ZMAT4: variants seen among roughly 807,000 people sequenced by gnomAD.
ZMAT4 encodes zinc finger matrin-type 4, also known as zinc finger matrin-type protein 4.
A neutral mutation model predicts 28.7 loss-of-function variants in ZMAT4; 17 were observed. The observed-to-expected ratio is 0.59, with a 90% CI of 0.41 to 0.89. The LOEUF (loss-of-function observed/expected upper bound fraction) is 0.89, where lower values mean the gene tolerates loss of function less well. ZMAT4 is among the 40% of genes least tolerant of loss of function. The probability of loss-of-function intolerance (pLI) is 0.00; values close to 1 mark genes in which losing one functional copy is unlikely to be tolerated. For missense variants in ZMAT4, 240 were observed against 283.8 expected, an observed-to-expected ratio of 0.85 and a Z score of 1.11; for synonymous variants, 117 against 109.2, an observed-to-expected ratio of 1.07 and a Z score of -0.44.
At chr8:40,722,981 G>T (rs537020950) in intron 3 of ZMAT4, among the ~76,000 whole-genome samples, 50 of 152,166 alleles carry the variant, frequency 3.3e-4, no homozygotes, top group African/African-American at 9.7e-4. Flanking sequence ...CTGGGACCAT[G>T]CCATTTCTTC....
In ZMAT4 at chr8:40,674,864, T is replaced by C; in HGVS notation, c.417A>G (p.Gln139=). 6.2e-7 allele frequency: 1 copy of C among 1,613,868 alleles called. No individual in the cohort carries two copies. The highest frequency in any genetic ancestry group is 8.5e-7 in the Non-Finnish European group (1 of 1,179,922). ...DTAPVVASPY[Q]RRDSDRYCGL... ...CACAGTATCTGTCTGAATCTCTTCTTTGATAGGGAGATGCGACCACCGGAG... is the reference window on the plus strand; with the variant it reads ...CACAGTATCTGTCTGAATCTCTTCTCTGATAGGGAGATGCGACCACCGGAG... The change falls in exon 5 of 7, where the codon CAA becomes CAG. Residue 139 remains glutamine (Q), a synonymous_variant. Transcript: ENST00000297737.
At chr8:40,845,522 A>T (rs759303729) in intron 1 of ZMAT4, among the ~76,000 whole-genome samples, 5 of 152,096 alleles carry the variant, frequency 3.3e-5, no homozygotes, top group Non-Finnish European at 4.4e-5. Flanking sequence ...GAAGTTGGTA[A>T]AATGGTCTAT....
At chr8:40,772,026 A>T (rs1189294859) in intron 2 of ZMAT4, among the ~76,000 whole-genome samples, 1 of 152,216 alleles carries the variant, frequency 6.6e-6, no homozygotes, top group East Asian at 1.9e-4. Context: ...TCAGGGGGAA[A>T]AAAAGAACCA....
intron 2 of ZMAT4, among the ~76,000 whole-genome samples, chr8:40,797,010 A>T (rs1448645824): frequency 1.3e-5 from 2 of 152,160 alleles, no homozygotes; most frequent in Admixed American, 6.5e-5. Context: ...GCCCCTGGTT[A>T]GCTTTCCAGA....
chr8:40,593,211 T>C (rs921020276), intron 5 of ZMAT4, among the ~76,000 whole-genome samples: 6 of 152,230 alleles, frequency 3.9e-5, no homozygotes, highest in Admixed American at 6.5e-5. Context: ...TTCATAAAAT[T>C]CATTTTTTCT....
chr8:40,741,471 G>A (rs1391918452), intron 3 of ZMAT4, among the ~76,000 whole-genome samples: 4 of 150,690 alleles, frequency 2.7e-5, no homozygotes, highest in Non-Finnish European at 5.9e-5. Context: ...AGACATAAAC[G>A]TAGGAAACGA....
chr8:40,689,559 A>G (rs1323418275), intron 4 of ZMAT4, among the ~76,000 whole-genome samples: 1 of 152,210 alleles, frequency 6.6e-6, no homozygotes, highest in East Asian at 1.9e-4. Flanking sequence ...ATGGGAATAT[A>G]GTTTGGGACA....
chr8:40,891,842 T>C (rs1181360917), intron 1 of ZMAT4, among the ~76,000 whole-genome samples: 2 of 152,194 alleles, frequency 1.3e-5, no homozygotes, highest in African/African-American at 4.8e-5. Context: ...AGCTCATCAC[T>C]AACTGGGGTG....
At chr8:40,543,385 G>A (rs1006351760) in intron 6 of ZMAT4, among the ~76,000 whole-genome samples, 1 of 152,234 alleles carries the variant, frequency 6.6e-6, no homozygotes, top group Non-Finnish European at 1.5e-5. Context: ...GCAGCGATGG[G>A]TGTAGCGTCT....
At chr8:40,643,532 T>A (rs1408403626) in intron 5 of ZMAT4, among the ~76,000 whole-genome samples, 1 of 152,132 alleles carries the variant, frequency 6.6e-6, no homozygotes, top group Non-Finnish European at 1.5e-5. Flanking sequence ...TAAATGTTAA[T>A]CATACAATGA....
intron 5 of ZMAT4, among the ~76,000 whole-genome samples, chr8:40,611,174 A>G (rs1805780720): frequency 1.3e-5 from 2 of 152,212 alleles, no homozygotes; most frequent in Admixed American, 1.3e-4. Context: ...TTTAGCATAA[A>G]AGCATAAGTA....
At chr8:40,576,813 TA>T (rs1368252028) in intron 6 of ZMAT4, among the ~76,000 whole-genome samples, 1 of 152,104 alleles carries the variant, frequency 6.6e-6, no homozygotes, top group African/African-American at 2.4e-5. Flanking sequence ...AGATAAACAA[TA>T]AATCCAAAAC....
chr8:40,565,109 A>C (rs1300284566), intron 6 of ZMAT4, among the ~76,000 whole-genome samples: 2 of 152,198 alleles, frequency 1.3e-5, no homozygotes, highest in Non-Finnish European at 2.9e-5. Context: ...GATGTCTCTA[A>C]TCATCATTCT....
chr8:40,831,697 G>A (rs1816285347), intron 1 of ZMAT4, among the ~76,000 whole-genome samples: 1 of 152,166 alleles, frequency 6.6e-6, no homozygotes, highest in African/African-American at 2.4e-5. Context: ...TAAGACTCAT[G>A]GACACTTCAA....
chr8:40,595,476 A>T (rs1481303058), intron 5 of ZMAT4, among the ~76,000 whole-genome samples: 1 of 152,162 alleles, frequency 6.6e-6, no homozygotes, highest in Non-Finnish European at 1.5e-5. Flanking sequence ...TGAACATCAG[A>T]GTGTACTTAC....
intron 6 of ZMAT4, among the ~76,000 whole-genome samples, chr8:40,568,411 C>T (rs906346912): frequency 4.6e-5 from 7 of 152,100 alleles, no homozygotes; most frequent in African/African-American, 9.7e-5. Flanking sequence ...TCTTCTATCC[C>T]GCAGCTTCAC....
chr8:40,819,004 C>A (rs1240710493), intron 2 of ZMAT4, among the ~76,000 whole-genome samples: 6 of 152,162 alleles, frequency 3.9e-5, no homozygotes. Context: ...AGGACACTTA[C>A]ACCTGATCTC....
intron 4 of ZMAT4, among the ~76,000 whole-genome samples, chr8:40,695,563 C>T (rs974313113): frequency 1.3e-5 from 2 of 152,212 alleles, no homozygotes; most frequent in Admixed American, 1.3e-4. Flanking sequence ...GAGCTAGTCC[C>T]ATGAACAGCC....
chr8:40,667,940 A>C (rs1179368379), intron 5 of ZMAT4, among the ~76,000 whole-genome samples: 1 of 152,136 alleles, frequency 6.6e-6, no homozygotes, highest in Non-Finnish European at 1.5e-5. Context: ...TATGAGAAAT[A>C]CTTTTGCCCT....
Sources: gnomAD v4.1 joint callset for allele counts (sites outside exome capture counted in the v4.1 genomes callset) on GRCh38, gnomAD v4.1.1 for gene constraint, MANE v1.5 for transcripts, NCBI Gene and HGNC (gene_info 2026-07-23, HGNC 2026-07-21) for gene names.